Variants in MAPK10 observed in about 807,000 individuals in gnomAD.
The protein encoded by MAPK10 is mitogen-activated protein kinase 10, also known as JNK3 alpha protein kinase.
Under a neutral mutation model 59.3 loss-of-function variants are expected in MAPK10, and 25 were observed. The ratio of observed to expected loss-of-function variants is 0.42; its 90% CI spans 0.31 to 0.59. MAPK10 has a LOEUF of 0.59. MAPK10 is among the 20% of genes least tolerant of loss of function. The probability of loss-of-function intolerance (pLI) is 0.15; values close to 1 mark genes in which losing one functional copy is unlikely to be tolerated. For synonymous variants in MAPK10, 190 were observed against 200.5 expected, an observed-to-expected ratio of 0.95 and a Z score of 0.44; for missense variants, 351 against 568.9, an observed-to-expected ratio of 0.62 and a Z score of 3.90.
chr4:86,213,545 T>TA (rs1432232015), intron 2 of MAPK10, among the ~76,000 whole-genome samples: 2 of 151,892 alleles, frequency 1.3e-5, no homozygotes, highest in South Asian at 4.1e-4. Context: ...GTACAAATTC[T>TA]AAAAAAAGGA....
At chr4:86,379,714 T>C (rs879168753) in intron 1 of MAPK10, among the ~76,000 whole-genome samples, 1 of 152,240 alleles carries the variant, frequency 6.6e-6, no homozygotes, top group Non-Finnish European at 1.5e-5. Context: ...CTGTAAGGAA[T>C]ACTTTTAGTT....
chr4:86,555,524 T>C (rs555832303), intron 1 of MAPK10, among the ~76,000 whole-genome samples: 2 of 152,350 alleles, frequency 1.3e-5, no homozygotes, highest in South Asian at 4.1e-4. Context: ...GTTGAATAAA[T>C]GCTTATTGGC....
intron 4 of MAPK10, among the ~76,000 whole-genome samples, chr4:86,139,069 G>T (rs2062960756): frequency 1.5e-5 from 2 of 137,446 alleles, no homozygotes; most frequent in Non-Finnish European, 3.2e-5. Context: ...CATGCTCATG[G>T]GTAGGAAGAA....
chr4:86,174,397 C>T (rs982120841), intron 3 of MAPK10, among the ~76,000 whole-genome samples: 7 of 152,112 alleles, frequency 4.6e-5, no homozygotes, highest in Admixed American at 3.9e-4. Flanking sequence ...TGTTCTCACT[C>T]ATAAGTGGGA....
intron 1 of MAPK10, among the ~76,000 whole-genome samples, chr4:86,420,562 T>C (rs1183589283): frequency 6.6e-6 from 1 of 150,522 alleles, no homozygotes; most frequent in Admixed American, 6.6e-5. Flanking sequence ...CTGAGGCGAG[T>C]GTATCACTTG....
upstream of MAPK10, among the ~76,000 whole-genome samples, chr4:86,456,958 C>A (rs1032021806): frequency 1.3e-5 from 2 of 152,136 alleles, no homozygotes; most frequent in African/African-American, 4.8e-5. Flanking sequence ...GATAATCTAC[C>A]ATGATCAAGT....
chr4:86,216,662 TAAAAAG>T (rs2087747138), intron 2 of MAPK10, among the ~76,000 whole-genome samples: 1 of 151,914 alleles, frequency 6.6e-6, no homozygotes, highest in Non-Finnish European at 1.5e-5. Flanking sequence ...AAATGTTCAA[TAAAAAG>T]AAAATGATGA....
chr4:86,527,340 A>AAAAAAAAAAAAAAAAT (rs1757540913), intron 1 of MAPK10, among the ~76,000 whole-genome samples: 2 of 146,836 alleles, frequency 1.4e-5, no homozygotes, highest in South Asian at 2.1e-4. Context: ...AAAAAAAAAA[A>AAAAAAAAAAAAAAAAT]GTAGGCAAAG....
At chr4:86,540,662 C>T (rs982054995) in intron 1 of MAPK10, among the ~76,000 whole-genome samples, 1 of 152,084 alleles carries the variant, frequency 6.6e-6, no homozygotes, top group Non-Finnish European at 1.5e-5. Context: ...TATATTCTTG[C>T]CTGATAGCAA....
At chr4:86,399,425 G>A (rs1211162270) in intron 1 of MAPK10, among the ~76,000 whole-genome samples, 1 of 152,122 alleles carries the variant, frequency 6.6e-6, no homozygotes, top group Non-Finnish European at 1.5e-5. Flanking sequence ...AACTGCTTAT[G>A]TCTTTTGCCC....
chr4:86,540,663 C>T (rs537500105), intron 1 of MAPK10, among the ~76,000 whole-genome samples: 1 of 152,188 alleles, frequency 6.6e-6, no homozygotes, highest in South Asian at 2.1e-4. Flanking sequence ...ATATTCTTGC[C>T]TGATAGCAAG....
chr4:86,315,625 TA>T (rs879773419), intron 2 of MAPK10, among the ~76,000 whole-genome samples: 1 of 152,086 alleles, frequency 6.6e-6, no homozygotes, highest in Non-Finnish European at 1.5e-5. Flanking sequence ...TTTTCTAGAG[TA>T]CTTATGATGT....
intron 1 of MAPK10, among the ~76,000 whole-genome samples, chr4:86,427,274 A>T (rs1039777717): frequency 2.0e-5 from 3 of 151,984 alleles, no homozygotes; most frequent in South Asian, 4.2e-4. Context: ...AAAAAAAAAA[A>T]AAAATTAAAG....
At chr4:86,463,572 C>A (rs1751938593) in intron 1 of MAPK10, among the ~76,000 whole-genome samples, 1 of 152,122 alleles carries the variant, frequency 6.6e-6, no homozygotes, top group South Asian at 2.1e-4. Context: ...TAGCTCCTGA[C>A]AAAATTCAGA....
intron 3 of MAPK10, among the ~76,000 whole-genome samples, chr4:86,168,185 C>G (rs2072547445): frequency 6.6e-6 from 1 of 152,166 alleles, no homozygotes; most frequent in East Asian, 1.9e-4. Flanking sequence ...GGGTTCATCT[C>G]ACTAGGGAGT....
intron 2 of MAPK10, among the ~76,000 whole-genome samples, chr4:86,227,528 G>T (rs1021528399): frequency 4.7e-5 from 7 of 149,528 alleles, no homozygotes; most frequent in Non-Finnish European, 8.9e-5. Flanking sequence ...AAAGAAAAAA[G>T]ACGCATAGAT....
chr4:86,117,586 G>A (rs951461828), intron 4 of MAPK10: 5 of 152,218 alleles, frequency 3.3e-5, no homozygotes, highest in African/African-American at 1.2e-4. Flanking sequence ...AAACTTCAGA[G>A]TTAAGTGTAC....
intron 11 of MAPK10, among the ~76,000 whole-genome samples, chr4:86,047,902 G>C (rs1334139987): frequency 1.3e-5 from 2 of 152,100 alleles, no homozygotes; most frequent in African/African-American, 4.8e-5. Context: ...GACCACAAGG[G>C]ACAAGAGTGG....
chr4:86,026,691 T>C (rs1351047468), intron 13 of MAPK10: 1 of 152,196 alleles, frequency 6.6e-6, no homozygotes, highest in Non-Finnish European at 1.5e-5. Flanking sequence ...AGAGTGTGTG[T>C]TATAAAAATA....
Sources: allele counts gnomAD v4.1 joint callset (sites outside exome capture counted in the v4.1 genomes callset), GRCh38; gene constraint gnomAD v4.1.1; transcripts MANE v1.5; gene names NCBI Gene and HGNC (gene_info 2026-07-23, HGNC 2026-07-21).